The following RSBN1 variants were observed in gnomAD, a reference collection of about 807,000 sequenced individuals.
The protein encoded by RSBN1 is lysine-specific demethylase 9.
A neutral mutation model predicts 74.8 loss-of-function variants in RSBN1; 23 were observed. That is an observed-to-expected ratio of 0.31 (90% CI 0.22 to 0.44). The LOEUF is 0.44. Ranked by LOEUF, RSBN1 falls within the 20% of genes least tolerant of loss-of-function variation. The pLI is 1.00. For synonymous variants in RSBN1, 407 were observed against 379.6 expected (o/e 1.07, Z -0.84); for missense variants, 808 against 1,020.9 (o/e 0.79, Z 2.84).
intron 4 of RSBN1, among the ~76,000 whole-genome samples, chr1:113,770,116 G>A (rs897542854): frequency 3.3e-5 from 5 of 152,140 alleles, no homozygotes; most frequent in Non-Finnish European, 7.3e-5. Context: ...GACTGATTTA[G>A]GAATAGACAT....
chr1:113,786,037 A>G (rs933341641), intron 2 of RSBN1, among the ~76,000 whole-genome samples: 2 of 152,224 alleles, frequency 1.3e-5, no homozygotes, highest in Non-Finnish European at 2.9e-5. Flanking sequence ...AGTATTCTAT[A>G]ATATGCCAAA....
intron 2 of RSBN1, among the ~76,000 whole-genome samples, chr1:113,793,112 C>T (rs1020986540): frequency 2.0e-5 from 3 of 152,186 alleles, no homozygotes; most frequent in Non-Finnish European, 4.4e-5. Context: ...CTTAGAGGAG[C>T]TGAGTTCTAA....
chr1:113,788,753 G>A (rs908087347), intron 2 of RSBN1, among the ~76,000 whole-genome samples: 10 of 152,058 alleles, frequency 6.6e-5, no homozygotes, highest in Non-Finnish European at 1.2e-4. Flanking sequence ...CCAGACAGGA[G>A]AAAGGACAAA....
chr1:113,807,920 T>C (rs1486520578), intron 1 of RSBN1, among the ~76,000 whole-genome samples: 1 of 152,058 alleles, frequency 6.6e-6, no homozygotes, highest in Non-Finnish European at 1.5e-5. Flanking sequence ...AGATGTGTAT[T>C]ATCACTAGCC....
In RSBN1 at chr1:113,766,277, G is replaced by A. The variant is rs1659779909; in HGVS notation, c.2112C>T (p.Tyr704=). The A allele has an allele frequency of 6.2e-7, 1 of 1,614,058 alleles. No homozygotes were observed. The highest frequency in any genetic ancestry group is 1.3e-5 in the African/African-American group (1 of 75,012). ...TTTGAGTGGCTTCCACAACAGGGTG[G>A]TACTGTTTAAGCCTTATATGCCAGG... is the stretch of plus-strand genomic sequence containing the variant. ...SLAWHIRLKQ[Y]HPVVEATQNT... is the part of the protein sequence containing the mutation. Residue 704 remains tyrosine, a synonymous_variant, in exon 7 of 7, where the codon TAC becomes TAT. Transcript: ENST00000261441.
intron 6 of RSBN1, 107 bp downstream of exon 6, chr1:113,766,992 T>A: frequency 8.9e-6 from 5 of 561,712 alleles, no homozygotes; most frequent in Non-Finnish European, 1.2e-5. Context: ...AGTAATAAAA[T>A]TAAACTCACT....
rs1463898157 is a variant in RSBN1, at chr1:113,811,652, G to A, written c.703+58C>T. The stretch of plus-strand genomic sequence containing the variant: ...TGGCGTCTTTCAGTCCTAAAGATGC[G>A]GGATATCGGAACTGAGAGAGACCTA... On this transcript the variant is annotated intron_variant, in intron 1 of 6. Coordinates refer to ENST00000261441, the MANE Select transcript of RSBN1 (RefSeq NM_018364.5). The A allele has an allele frequency of 2.6e-6, 4 of 1,515,568 alleles. No homozygotes were observed. The Admixed American group carries it at 8.5e-5, about 32-fold the overall frequency. 93.9% of individuals were successfully genotyped at this position (1,515,568 alleles called of 1,614,324 possible).
intron 1 of RSBN1, among the ~76,000 whole-genome samples, chr1:113,810,622 C>A (rs994010445): frequency 6.6e-6 from 1 of 151,902 alleles, no homozygotes; most frequent in Non-Finnish European, 1.5e-5. Flanking sequence ...GGAAATAGCA[C>A]CACCAAAAAA....
At chr1:113,785,729 A>G (rs1660229674) in intron 2 of RSBN1, among the ~76,000 whole-genome samples, 1 of 152,240 alleles carries the variant, frequency 6.6e-6, no homozygotes. Context: ...TCCTTGAAGT[A>G]ACATTGAGCT....
chr1:113,793,603 T>C (rs1660412479), intron 2 of RSBN1, among the ~76,000 whole-genome samples: 1 of 152,186 alleles, frequency 6.6e-6, no homozygotes, highest in African/African-American at 2.4e-5. Context: ...CCTGCATTAA[T>C]GGGTTCAACT....
chr1:113,785,903 C>G (rs1344394528), intron 2 of RSBN1, among the ~76,000 whole-genome samples: 1 of 152,166 alleles, frequency 6.6e-6, no homozygotes, highest in African/African-American at 2.4e-5. Context: ...CCTAGAAGAT[C>G]ACATCAAGGA....
Position 113,798,188 on chromosome 1 carries a change from T to A in RSBN1, c.704-152A>T, listed in dbSNP as rs146068872. The A allele has an allele frequency of 5.7e-4, 366 of 642,940 alleles. 1 individual carries two copies. In the East Asian group the frequency reaches 6.3e-3, roughly 11 times the overall value. 39.8% of individuals were successfully genotyped at this position (642,940 alleles called of 1,614,324 possible). On this transcript the variant is annotated intron_variant, in intron 1 of 6. Coordinates refer to ENST00000261441, the MANE Select transcript of RSBN1 (RefSeq NM_018364.5). ...GTTTAGAAAACAAATGAGACAGAGA[T>A]CTTAAATATAATAATATTCTGGATT...
chr1:113,776,666 T>C (rs188299427), intron 4 of RSBN1, among the ~76,000 whole-genome samples: 4 of 152,114 alleles, frequency 2.6e-5, no homozygotes, highest in Admixed American at 2.6e-4. Flanking sequence ...ACAAAACAAT[T>C]TTTTTAATCA....
chr1:113,803,780 C>T (rs990659887), intron 1 of RSBN1, among the ~76,000 whole-genome samples: 5 of 151,860 alleles, frequency 3.3e-5, no homozygotes, highest in Admixed American at 6.6e-5. Flanking sequence ...GCTCATAAAT[C>T]TCTTTAAATC....
intron 2 of RSBN1, among the ~76,000 whole-genome samples, chr1:113,781,543 T>C (rs1217468591): frequency 3.3e-5 from 5 of 152,246 alleles, no homozygotes; most frequent in African/African-American, 9.6e-5. Flanking sequence ...ACCTGTACCC[T>C]ACTACATTCC....
rs1423940474 is a variant in RSBN1, at chr1:113,812,094, G to C, written c.319C>G (p.Pro107Ala). 1 of 1,593,470 alleles carries C rather than the reference G, an allele frequency of 6.3e-7. No homozygotes were observed. The highest frequency in any genetic ancestry group is 1.3e-5 in the African/African-American group (1 of 74,396). Residue 107 changes from proline to alanine, a missense_variant, in exon 1 of 7, where the codon CCC (proline) becomes GCC (alanine). Coordinates refer to ENST00000261441, the MANE Select transcript of RSBN1 (RefSeq NM_018364.5). Reference sequence around the variant, plus strand: ...CGCCGGTGAGGGGGAGCGAGAGGGGGCTCCTGGCTCGGCCGCCCCCGCTTC... The same window carrying C: ...CGCCGGTGAGGGGGAGCGAGAGGGGCCTCCTGGCTCGGCCGCCCCCGCTTC... ...QEKRGRPSQEPPLAPPHRRRR... is the reference protein window; with the variant it reads ...QEKRGRPSQEAPLAPPHRRRR...
chr1:113,803,319 G>C (rs973027008), intron 1 of RSBN1, among the ~76,000 whole-genome samples: 1 of 152,136 alleles, frequency 6.6e-6, no homozygotes, highest in Non-Finnish European at 1.5e-5. Flanking sequence ...CTATCTACAG[G>C]TTTTTGTGTG....
chr1:113,765,802 C>T lies in RSBN1; in HGVS notation c.*178G>A, dbSNP rs570745954. ...ACTGTACTAACGGGATAAGATACAA[C>T]TCTTAACTTTGCATAATCTGTGTAA... On this transcript the variant is annotated 3_prime_UTR_variant, in exon 7 of 7. Coordinates refer to ENST00000261441, the MANE Select transcript of RSBN1 (RefSeq NM_018364.5). 2 of 603,502 alleles carry T rather than the reference C, an allele frequency of 3.3e-6. No homozygotes were observed. Among genetic ancestry groups the T allele is most frequent in the African/African-American group, 3.7e-5 (2 of 53,972 alleles). The allele number at this position is 603,502 out of a possible 1,614,324, so 37.4% of individuals were successfully genotyped here.
At chr1:113,766,971 C>G (rs2101789025) in intron 6 of RSBN1, 128 bp downstream of exon 6, 1 of 551,874 alleles carries the variant, frequency 1.8e-6, no homozygotes, top group East Asian at 3.1e-5. Flanking sequence ...ACCCCCACCC[C>G]AGTCTTTAAC....
Sources: gnomAD v4.1 joint callset for allele counts (sites outside exome capture counted in the v4.1 genomes callset) on GRCh38, gnomAD v4.1.1 for gene constraint, MANE v1.5 for transcripts, NCBI Gene and HGNC (gene_info 2026-07-23, HGNC 2026-07-21) for gene names.